Variants in CDC14B observed in about 807,000 individuals in gnomAD.
The protein encoded by CDC14B is dual specificity protein phosphatase CDC14B.
In CDC14B, 22 loss-of-function variants were observed where a neutral mutation model predicts 64.2. That is an observed-to-expected ratio of 0.34 (90% CI 0.24 to 0.49). CDC14B has a LOEUF of 0.49. Ranked by LOEUF, CDC14B falls within the 20% of genes least tolerant of loss-of-function variation. The pLI, the probability that CDC14B is intolerant of heterozygous loss-of-function variation, is 0.99. For synonymous variants in CDC14B, 191 were observed against 215.8 expected, an observed-to-expected ratio of 0.89 and a Z score of 1.01; for missense variants, 498 against 629.9, an observed-to-expected ratio of 0.79 and a Z score of 2.24.
At chr9:96,557,088 CA>C (rs1336956143) in intron 4 of CDC14B, among the ~76,000 whole-genome samples, 7 of 152,224 alleles carry the variant, frequency 4.6e-5, no homozygotes, top group Non-Finnish European at 5.9e-5. Flanking sequence ...CCCAAGTTAA[CA>C]GCACCCAGCA....
rs1468398342 is a variant in CDC14B at position 96,502,768 on chromosome 9, C to T, written c.*985G>A. The T allele has an allele frequency of 5.0e-6, 2 of 397,238 alleles. No individual in the cohort carries two copies. Among genetic ancestry groups the T allele is most frequent in the South Asian group, 1.3e-4 (1 of 7,782 alleles). The allele number at this position is 397,238 out of a possible 1,614,324, so 24.6% of individuals were successfully genotyped here. On this transcript the variant is annotated 3_prime_UTR_variant, in exon 14 of 14. Coordinates refer to ENST00000375241, the MANE Select transcript of CDC14B (RefSeq NM_033331.4). The stretch of plus-strand genomic sequence containing the variant: ...AGAAGCAGATCATTGTCACTGAGAT[C>T]GCAGGCCACGTCAATGGCCTTAGGT...
intron 3 of CDC14B, among the ~76,000 whole-genome samples, chr9:96,563,634 G>A (rs1345259324): frequency 3.2e-5 from 4 of 124,188 alleles, no homozygotes; most frequent in Middle Eastern, 6.0e-3. Context: ...TGGGCAACAA[G>A]AGCGAAACTC....
chr9:96,585,744 A>G (rs909733582), intron 1 of CDC14B, among the ~76,000 whole-genome samples: 7 of 152,210 alleles, frequency 4.6e-5, no homozygotes, highest in Non-Finnish European at 1.0e-4. Context: ...TATGACCCAG[A>G]CATTCTACTC....
chr9:96,533,327 A>G (rs1838783374), intron 9 of CDC14B, among the ~76,000 whole-genome samples: 1 of 152,176 alleles, frequency 6.6e-6, no homozygotes, highest in African/African-American at 2.4e-5. Context: ...TATGCCATGT[A>G]ATTTTTCAAT....
At chr9:96,519,733 A>AAAAAAAAAAAAAAAAAAAAAAG in intron 12 of CDC14B, among the ~76,000 whole-genome samples, 1 of 124,140 alleles carries the variant, frequency 8.1e-6, no homozygotes. Context: ...TCTGTCTTAA[A>AAAAAAAAAAAAAAAAAAAAAAG]AAAAAAAAAA....
At chr9:96,565,329 T>G (rs1395335780) in intron 2 of CDC14B, 64 bp downstream of exon 2, 18 of 1,018,274 alleles carry the variant, frequency 1.8e-5, no homozygotes, top group Non-Finnish European at 2.7e-5. Flanking sequence ...CCATCCCATT[T>G]ATAACCATAC....
In CDC14B at chr9:96,619,208, G is replaced by A. The variant is rs1847829979; in HGVS notation, c.160+11C>T. 4 of 1,280,550 alleles carry A rather than the reference G, an allele frequency of 3.1e-6. No homozygotes were observed. The African/African-American group carries it at 4.6e-5, about 15-fold the overall frequency. 79.3% of individuals were successfully genotyped at this position (1,280,550 alleles called of 1,614,324 possible). A position where few individuals can be genotyped will look rare whatever the true frequency, so the allele number is the denominator to read the frequency against. On this transcript the variant is annotated intron_variant, in intron 1 of 13. Coordinates refer to ENST00000375241, the MANE Select transcript of CDC14B (RefSeq NM_033331.4). ...GTCCGGGGCCCTCCGCGCGCCCACT[G>A]GCCGGCTCACCGGTGATGTCCAGGT... is the stretch of plus-strand genomic sequence containing the variant.
At chr9:96,570,623 A>G (rs1237178870) in intron 1 of CDC14B, among the ~76,000 whole-genome samples, 1 of 152,240 alleles carries the variant, frequency 6.6e-6, no homozygotes, top group East Asian at 1.9e-4. Context: ...GAGGGTAGGA[A>G]AGAACACGGG....
intron 5 of CDC14B, among the ~76,000 whole-genome samples, chr9:96,543,642 A>AC (rs565975062): frequency 6.6e-6 from 1 of 152,064 alleles, no homozygotes; most frequent in African/African-American, 2.4e-5. Flanking sequence ...GAAATAAGGC[A>AC]CCCCGACCCC....
chr9:96,495,680 A>G (rs1292623864), downstream of CDC14B, among the ~76,000 whole-genome samples: 1 of 152,208 alleles, frequency 6.6e-6, no homozygotes, highest in Non-Finnish European at 1.5e-5. Context: ...GTGGATAGAA[A>G]GACAGCAGGA....
At chr9:96,561,866 G>C (rs569225226) in intron 4 of CDC14B, among the ~76,000 whole-genome samples, 8 of 151,852 alleles carry the variant, frequency 5.3e-5, no homozygotes, top group South Asian at 2.1e-4. Context: ...AACATCCCCT[G>C]GCTACTCCCC....
intron 1 of CDC14B, among the ~76,000 whole-genome samples, chr9:96,585,080 T>C (rs1346610795): frequency 6.6e-6 from 1 of 152,220 alleles, no homozygotes; most frequent in African/African-American, 2.4e-5. Flanking sequence ...TTCACAATTC[T>C]AGGCCACTCA....
intron 13 of CDC14B, among the ~76,000 whole-genome samples, chr9:96,494,377 G>A (rs996245900): frequency 1.3e-5 from 2 of 152,254 alleles, no homozygotes; most frequent in Admixed American, 1.3e-4. Flanking sequence ...TGGCCATGGT[G>A]CCTAGCAGGG....
At chr9:96,617,776 G>C (rs944553152) in intron 1 of CDC14B, among the ~76,000 whole-genome samples, 1 of 152,184 alleles carries the variant, frequency 6.6e-6, no homozygotes, top group African/African-American at 2.4e-5. Context: ...TTTAGAATTG[G>C]AGTTCTGTAC....
chr9:96,505,231 T>C (rs71499958), intron 13 of CDC14B, among the ~76,000 whole-genome samples: 10,201 of 150,994 alleles, frequency 0.068, 573 homozygotes, highest in South Asian at 0.28. Flanking sequence ...AGCATTTCTC[T>C]CCCCAGCCCC....
At chr9:96,602,383 G>A (rs1376286487) in intron 1 of CDC14B, among the ~76,000 whole-genome samples, 1 of 152,072 alleles carries the variant, frequency 6.6e-6, no homozygotes, top group Non-Finnish European at 1.5e-5. Flanking sequence ...GAGATTTGGG[G>A]GTCTTATTTT....
At chr9:96,491,310 C>CAAAT (rs1833092192) in exon 14 of CDC14B, 1 of 152,162 alleles carries the variant, frequency 6.6e-6, no homozygotes, top group Admixed American at 6.5e-5. Flanking sequence ...AACCCAAGTG[C>CAAAT]AAATAAAGGT....
intron 1 of CDC14B, among the ~76,000 whole-genome samples, chr9:96,592,922 C>A (rs935420595): frequency 1.3e-5 from 2 of 152,064 alleles, no homozygotes; most frequent in Non-Finnish European, 2.9e-5. Flanking sequence ...TGGTATTCAT[C>A]TACAATGTAA....
intron 9 of CDC14B, among the ~76,000 whole-genome samples, chr9:96,529,571 C>T (rs1479524251): frequency 1.3e-5 from 2 of 150,992 alleles, no homozygotes; most frequent in African/African-American, 2.4e-5. Flanking sequence ...GGCTCACTGC[C>T]GCCTCAACCT....
Sources: allele counts gnomAD v4.1 joint callset (sites outside exome capture counted in the v4.1 genomes callset), GRCh38; gene constraint gnomAD v4.1.1; transcripts MANE v1.5; gene names NCBI Gene and HGNC (gene_info 2026-07-23, HGNC 2026-07-21).